The following SACS variants were observed in gnomAD, a reference collection of about 807,000 sequenced individuals.
The protein encoded by SACS is sacsin.
SACS carries 197 observed loss-of-function variants against 348.0 expected under a neutral mutation model. The observed-to-expected ratio is 0.57, with a 90% CI of 0.50 to 0.64. The LOEUF (loss-of-function observed/expected upper bound fraction) is 0.64, where lower values mean the gene tolerates loss of function less well. Among genes scored for constraint, SACS ranks in the 30% least tolerant of loss-of-function variants. SACS has a pLI of 0.00. For synonymous variants in SACS, 1,985 were observed against 1,910.6 expected (o/e 1.04, Z -1.02); for missense variants, 4,999 against 5,360.8 (o/e 0.93, Z 2.11).
At chr13:23,380,455 G>A (rs890700708) in intron 2 of SACS, among the ~76,000 whole-genome samples, 5 of 152,094 alleles carry the variant, frequency 3.3e-5, no homozygotes, top group African/African-American at 1.2e-4. Context: ...AACTGTCTCT[G>A]AAATAATAGC....
At chr13:23,391,577 CT>C (rs1872528396) in intron 2 of SACS, among the ~76,000 whole-genome samples, 1 of 148,318 alleles carries the variant, frequency 6.7e-6, no homozygotes, top group Non-Finnish European at 1.5e-5. Flanking sequence ...ACTCTGCGCC[CT>C]TCAAGGTTCA....
intron 7 of SACS, among the ~76,000 whole-genome samples, chr13:23,356,597 T>G (rs528660516): frequency 6.6e-6 from 1 of 152,234 alleles, no homozygotes; most frequent in Non-Finnish European, 1.5e-5. Context: ...TTGTATAACA[T>G]GGCCTCTAAA....
At position 23,339,619 on chromosome 13, in the gene SACS, G is replaced by C. The variant is rs1258481841; in HGVS notation, c.4257C>G (p.Ile1419Met). 1 of 1,611,494 alleles carries C rather than the reference G, an allele frequency of 6.2e-7. No individual in the cohort carries two copies. ...TGGGTATGTCCTCATGCACCAAAAT[G>C]ATTGGTTCCACAGAATCTTCAAGTA... ...NDLLEDSVEP[I>M]ILVHEDIPMK... is the part of the protein sequence containing the mutation. Residue 1419 changes from isoleucine (I) to methionine (M), a missense_variant, in exon 10 of 10, where the codon ATC becomes ATG. Physicochemically the swap from Ile to Met is conservative, Grantham distance 10 (BLOSUM62 1). Coordinates refer to ENST00000382292, the MANE Select transcript of SACS (RefSeq NM_014363.6).
At position 23,329,035 on chromosome 13, in the gene SACS, A is replaced by G. The variant is rs528654606; in HGVS notation, c.*1101T>C. On this transcript the variant is annotated 3_prime_UTR_variant, in exon 10 of 10. Coordinates refer to ENST00000382292, the MANE Select transcript of SACS (RefSeq NM_014363.6). ...CATCATTTACAGCCAGTACACTTAT[A>G]TAAACTAATTATCATTACCTTTTAC... The G allele has an allele frequency of 1.2e-5, 2 of 169,154 alleles. No individual in the cohort carries two copies. The highest frequency in any genetic ancestry group is 4.8e-5 in the African/African-American group (2 of 41,938). 10.5% of individuals were successfully genotyped at this position (169,154 alleles called of 1,614,324 possible). A position where few individuals can be genotyped will look rare whatever the true frequency, so the allele number is the denominator to read the frequency against.
In SACS at chr13:23,335,862, C is replaced by G. The variant is rs1192467202; in HGVS notation, c.8014G>C (p.Ala2672Pro). 1 of 1,613,950 alleles carries G rather than the reference C, an allele frequency of 6.2e-7. No homozygotes were observed. Among genetic ancestry groups the G allele is most frequent in the African/African-American group, 1.3e-5 (1 of 75,032 alleles). ...TCTGAGAACTGTGTCCTAAAATCTG[C>G]ATCCAAATCTCTAAACATGCGTCCG... Reference protein sequence around the residue: ...SPGRMFRDLDADFRTQFSDVL... With the variant: ...SPGRMFRDLDPDFRTQFSDVL... The change falls in exon 10 of 10, where the codon GCA becomes CCA. Residue 2672 changes from alanine to proline, a missense_variant. This residue lies in a region of SACS where 3,156 missense variants were observed against 3,380.1 expected (regional missense o/e 0.93). Coordinates refer to ENST00000382292, the MANE Select transcript of SACS (RefSeq NM_014363.6). The surrounding 1 kb of genome is among the most constrained non-coding windows in gnomAD (Gnocchi z 4.7).
At position 23,335,483 on chromosome 13, in the gene SACS, G is replaced by T. The variant is rs140551762; in HGVS notation, c.8393C>A (p.Pro2798Gln). Reference protein sequence around the residue: ...VTKKRQLKDIPVQQITYTMDT... With the variant: ...VTKKRQLKDIQVQQITYTMDT... ...CATAGTATAGGTTATTTGTTGAACT[G>T]GTATGTCTTTGAGCTGCCTCTTTTT... Residue 2798 changes from proline (P) to glutamine (Q), a missense_variant, in exon 10 of 10, where the codon CCA becomes CAA. This residue lies in a region of SACS where 3,156 missense variants were observed against 3,380.1 expected (regional missense o/e 0.93). Coordinates refer to ENST00000382292, the MANE Select transcript of SACS (RefSeq NM_014363.6). This position sits in a 1 kb window ranked among gnomAD's most constrained non-coding sequence, Gnocchi z 4.7. The T allele has an allele frequency of 2.6e-3, 4,218 of 1,613,592 alleles. 7 individuals carry two copies. The highest frequency in any genetic ancestry group is 3.3e-3 in the Non-Finnish European group (3,885 of 1,179,832).
rs2137569225 is a variant in SACS at position 23,332,739 on chromosome 13, GT to G, written c.11136del (p.Leu3714Ter). ...CCTTCTTGTTCTTTAATGCTTAAGG[GT>G]GTAGCTTTCTCTGGAAGAATAGGGC... ...TSCPILPEKA[T>X]PLSIKEQEGS... On this transcript the variant is annotated frameshift_variant, in exon 10 of 10. Transcript: ENST00000382292. LOFTEE classifies it high-confidence loss of function. 6.2e-7 allele frequency: 1 copy of G among 1,614,004 alleles called. No individual in the cohort carries two copies.
rs1294454481 is a variant in SACS, at chr13:23,355,756, G to A, written c.856C>T (p.Leu286Phe). Residue 286 changes from leucine to phenylalanine, a missense_variant, in exon 8 of 10, where the codon CTC becomes TTC. Transcript: ENST00000382292. Reference sequence around the variant, plus strand: ...TCAAGAACCTTCTGCTTATTGTAGAGGTTACTACTAAGTTGTGAAGGTTGT... The same window carrying A: ...TCAAGAACCTTCTGCTTATTGTAGAAGTTACTACTAAGTTGTGAAGGTTGT... ...RLQPSQLSSN[L>F]YNKQKVLELF... 1.9e-6 allele frequency: 3 copies of A among 1,614,170 alleles called. No homozygotes were observed. The highest frequency in any genetic ancestry group is 2.5e-6 in the Non-Finnish European group (3 of 1,180,034).
chr13:23,374,356 T>C (rs1187424009), intron 3 of SACS, among the ~76,000 whole-genome samples: 1 of 152,242 alleles, frequency 6.6e-6, no homozygotes, highest in Non-Finnish European at 1.5e-5. Flanking sequence ...AGTAAGGAAA[T>C]TCAACACCTG....
At chr13:23,347,641 T>TA (rs1869692460) in intron 9 of SACS, among the ~76,000 whole-genome samples, 1 of 152,182 alleles carries the variant, frequency 6.6e-6, no homozygotes. Flanking sequence ...GACCTGGCCC[T>TA]ACAGTCTAAT....
At chr13:23,391,212 T>C (rs1872516244) in intron 2 of SACS, among the ~76,000 whole-genome samples, 1 of 152,244 alleles carries the variant, frequency 6.6e-6, no homozygotes, top group Non-Finnish European at 1.5e-5. Flanking sequence ...AAATTTTTCA[T>C]GATAAAATTC....
At position 23,334,961 on chromosome 13, in the gene SACS, G is replaced by T. The variant is rs368927268; in HGVS notation, c.8915C>A (p.Pro2972Gln). The change falls in exon 10 of 10, where the codon CCA becomes CAA. Residue 2972 changes from proline to glutamine, a missense_variant. Coordinates refer to ENST00000382292, the MANE Select transcript of SACS (RefSeq NM_014363.6). Reference protein sequence around the residue: ...FFPVNRLDLQPDLYCLVKALY... With the variant: ...FFPVNRLDLQQDLYCLVKALY... ...TGCTTTCACTAGACAATATAAATCT[G>T]GCTGTAGATCAAGACGGTTAACTGG... The T allele has an allele frequency of 6.2e-7, 1 of 1,613,766 alleles. No homozygotes were observed.
intron 2 of SACS, among the ~76,000 whole-genome samples, chr13:23,392,034 G>A (rs1166975442): frequency 6.6e-6 from 1 of 152,190 alleles, no homozygotes; most frequent in Non-Finnish European, 1.5e-5. Context: ...TGACTTTCCT[G>A]TCTCCCAGGA....
At chr13:23,377,271 A>C (rs1346126714) in intron 2 of SACS, among the ~76,000 whole-genome samples, 1 of 152,140 alleles carries the variant, frequency 6.6e-6, no homozygotes, top group African/African-American at 2.4e-5. Flanking sequence ...AAAATGGCAA[A>C]TTTTATGGTA....
At chr13:23,395,369 T>TAA (rs1872674257) in intron 2 of SACS, among the ~76,000 whole-genome samples, 1 of 152,202 alleles carries the variant, frequency 6.6e-6, no homozygotes, top group South Asian at 2.1e-4. Flanking sequence ...ATAATTTTAC[T>TAA]AAGGATAATT....
At chr13:23,368,882 G>C (rs1046724594) in intron 4 of SACS, among the ~76,000 whole-genome samples, 3 of 151,984 alleles carry the variant, frequency 2.0e-5, no homozygotes, top group Non-Finnish European at 2.9e-5. Context: ...TGTATTTTTA[G>C]TAGAGATGGG....
chr13:23,428,606 G>T (rs1471632884), intron 1 of SACS: 3 of 152,120 alleles, frequency 2.0e-5, no homozygotes, highest in African/African-American at 7.2e-5. Flanking sequence ...GAGCACAAAA[G>T]GTGAAGGTAA....
In SACS at chr13:23,341,643, G is replaced by A. The variant is rs536614181; in HGVS notation, c.2233C>T (p.Arg745Cys). Residue 745 changes from arginine to cysteine, a missense_variant, in exon 10 of 10, where the codon CGT becomes TGT. This residue lies in a region of SACS where 3,156 missense variants were observed against 3,380.1 expected (regional missense o/e 0.93). Transcript: ENST00000382292. ...GTATTCATTACTTCCTTGATAAGAC[G>A]TGCAAATCGTTCTGGATTTAGAAGC... ...LQLLNPERFA[R>C]LIKEVMNTFW... 34 of 1,613,314 alleles carry A rather than the reference G, an allele frequency of 2.1e-5. No homozygotes were observed. The highest frequency in any genetic ancestry group is 2.7e-5 in the African/African-American group (2 of 75,008).
chr13:23,397,219 AGG>A (rs1872743824), intron 2 of SACS, among the ~76,000 whole-genome samples: 1 of 152,196 alleles, frequency 6.6e-6, no homozygotes, highest in Non-Finnish European at 1.5e-5. Context: ...ACAATTAATA[AGG>A]GTGAGGTGAA....
Sources: gnomAD v4.1 joint callset for allele counts (sites outside exome capture counted in the v4.1 genomes callset) on GRCh38, gnomAD v4.1.1 for gene constraint, gnomAD v4.1.1 regional missense constraint, Gnocchi (gnomAD v3.1) non-coding constraint, MANE v1.5 for transcripts, NCBI Gene and HGNC (gene_info 2026-07-23, HGNC 2026-07-21) for gene names.